Variants in ADGRB3 observed in about 807,000 individuals in gnomAD.
ADGRB3 encodes brain-specific angiogenesis inhibitor 3.
In ADGRB3, 37 loss-of-function variants were observed where a neutral mutation model predicts 193.4. The observed-to-expected ratio is 0.19, with a 90% CI of 0.15 to 0.25. The LOEUF (loss-of-function observed/expected upper bound fraction) is 0.25. Among genes scored for constraint, ADGRB3 ranks in the 10% least tolerant of loss-of-function variants. The pLI, the probability that ADGRB3 is intolerant of heterozygous loss-of-function variation, is 1.00. For synonymous variants in ADGRB3, 690 were observed against 644.2 expected (o/e 1.07, Z -1.08); for missense variants, 1,637 against 1,852.9 (o/e 0.88, Z 2.14).
At chr6:69,008,114 C>A (rs2150282650) in intron 11 of ADGRB3, among the ~76,000 whole-genome samples, 1 of 152,252 alleles carries the variant, frequency 6.6e-6, no homozygotes, top group Middle Eastern at 3.4e-3. Context: ...GGCCCCAACT[C>A]TTAATAACAT....
intron 17 of ADGRB3, among the ~76,000 whole-genome samples, chr6:69,209,762 G>C (rs930572101): frequency 6.6e-6 from 1 of 152,156 alleles, no homozygotes; most frequent in African/African-American, 2.4e-5. Flanking sequence ...CCAGGTACCA[G>C]ATGTTCTTTG....
chr6:69,379,484 A>G (rs1391595052), intron 30 of ADGRB3, among the ~76,000 whole-genome samples: 2 of 152,028 alleles, frequency 1.3e-5, no homozygotes, highest in African/African-American at 4.8e-5. Flanking sequence ...CACACAAGTA[A>G]ATAAATAAGA....
intron 17 of ADGRB3, among the ~76,000 whole-genome samples, chr6:69,102,707 G>A (rs188831862): frequency 5.1e-4 from 78 of 152,296 alleles, no homozygotes; most frequent in African/African-American, 1.8e-3. Flanking sequence ...TGATTTGTTG[G>A]TAGAAAAGAG....
In ADGRB3 at chr6:68,646,454, C is replaced by T. The variant is rs914035024; in HGVS notation, c.757+7022C>T. On this transcript the variant is annotated intron_variant, in intron 3 of 31. Coordinates refer to ENST00000370598, the MANE Select transcript of ADGRB3 (RefSeq NM_001704.3). ...ATCGGGCCACTGCACTCCAGCCTGGCCAACAAGAGCGAAACTCTGTCAAAA... is the reference window on the plus strand; with the variant it reads ...ATCGGGCCACTGCACTCCAGCCTGGTCAACAAGAGCGAAACTCTGTCAAAA... Among the ~76,000 whole-genome samples, 4 of 143,432 alleles carry T rather than the reference C, an allele frequency of 2.8e-5. No individual in the cohort carries two copies. In the South Asian group the frequency reaches 8.8e-4, roughly 32 times the overall value. The allele number at this position is 143,432 out of a possible 152,430, so 94.1% of individuals were successfully genotyped here.
In ADGRB3 at chr6:68,639,077, T is replaced by A. The variant is rs775812711; in HGVS notation, c.402T>A (p.Phe134Leu). The A allele has an allele frequency of 8.1e-6, 13 of 1,614,140 alleles. No homozygotes were observed. Among genetic ancestry groups the A allele is most frequent in the African/African-American group, 1.3e-5 (1 of 75,044 alleles). Residue 134 changes from phenylalanine (F) to leucine (L), a missense_variant, in exon 3 of 32, where the codon TTT becomes TTA. Physicochemically the swap from Phe to Leu is conservative, Grantham distance 22 (BLOSUM62 0). Around this residue, in one of 7 missense-constraint regions of ADGRB3, gnomAD observed 365 missense variants for 409.8 expected, o/e 0.89. Coordinates refer to ENST00000370598, the MANE Select transcript of ADGRB3 (RefSeq NM_001704.3). ...ATTTTATTCAAATACGTCGAGTATT[T>A]CCAACTAATTTCCCAGGATTACAGA... The part of the protein sequence containing the change: ...DKNFIQIRRV[F>L]PTNFPGLQKK...
At chr6:68,812,839 C>CTG (rs1767542679) in intron 3 of ADGRB3, among the ~76,000 whole-genome samples, 1 of 151,614 alleles carries the variant, frequency 6.6e-6, no homozygotes, top group Non-Finnish European at 1.5e-5. Context: ...CCCAACCCCC[C>CTG]ACAGGCCCCA....
intron 13 of ADGRB3, among the ~76,000 whole-genome samples, chr6:69,040,228 G>A (rs1222974205): frequency 1.3e-5 from 2 of 151,694 alleles, no homozygotes; most frequent in Non-Finnish European, 2.9e-5. Context: ...TTCTTATCAG[G>A]CATTTATGCA....
intron 20 of ADGRB3, among the ~76,000 whole-genome samples, chr6:69,314,588 C>T (rs1768272633): frequency 6.6e-6 from 1 of 151,604 alleles, no homozygotes; most frequent in African/African-American, 2.4e-5. Context: ...AGTACTGTAA[C>T]TTGTATTTAA....
intron 17 of ADGRB3, among the ~76,000 whole-genome samples, chr6:69,103,845 T>A (rs1425962895): frequency 6.6e-6 from 1 of 151,490 alleles, no homozygotes; most frequent in East Asian, 1.9e-4. Context: ...GTTTAAAAAT[T>A]ATCAGGCAGT....
chr6:68,822,492 A>C (rs1189001870), intron 3 of ADGRB3, among the ~76,000 whole-genome samples: 1 of 151,928 alleles, frequency 6.6e-6, no homozygotes, highest in East Asian at 1.9e-4. Context: ...ATGCATTGTC[A>C]TAGTAAGAGT....
chr6:69,250,993 C>T (rs1766606172), intron 20 of ADGRB3, among the ~76,000 whole-genome samples: 1 of 152,164 alleles, frequency 6.6e-6, no homozygotes, highest in Admixed American at 6.5e-5. Context: ...ATTCATTACT[C>T]TTTTCTTTCT....
intron 17 of ADGRB3, among the ~76,000 whole-genome samples, chr6:69,167,578 T>C (rs565915816): frequency 6.6e-6 from 1 of 152,236 alleles, no homozygotes; most frequent in African/African-American, 2.4e-5. Flanking sequence ...TTTTCCAGTT[T>C]TGTTTTTGTT....
At chr6:68,796,598 G>T (rs758092537) in intron 3 of ADGRB3, among the ~76,000 whole-genome samples, 1 of 152,138 alleles carries the variant, frequency 6.6e-6, no homozygotes, top group Admixed American at 6.6e-5. Context: ...GCCCATCTTT[G>T]AGGTTCACTG....
In ADGRB3 at chr6:69,048,382, G is replaced by A. The variant is rs746260387; in HGVS notation, c.2257+48G>A. 7.8e-6 allele frequency: 12 copies of A among 1,545,188 alleles called. No individual in the cohort carries two copies. The East Asian group carries it at 2.3e-4, about 29-fold the overall frequency. ...GCTTGAACAAGACATTTTTGATAAGGTCATTTAATTAGAAATTAGGTATAA... is the reference window on the plus strand; with the variant it reads ...GCTTGAACAAGACATTTTTGATAAGATCATTTAATTAGAAATTAGGTATAA... On this transcript the variant is annotated intron_variant, in intron 14 of 31. Coordinates refer to ENST00000370598, the MANE Select transcript of ADGRB3 (RefSeq NM_001704.3).
chr6:69,363,146 G>A (rs1769487937), intron 29 of ADGRB3, among the ~76,000 whole-genome samples: 1 of 151,848 alleles, frequency 6.6e-6, no homozygotes, highest in Non-Finnish European at 1.5e-5. Flanking sequence ...TCTTTCTTCA[G>A]TTTGTAATTT....
At chr6:69,281,734 G>A (rs945333610) in intron 20 of ADGRB3, among the ~76,000 whole-genome samples, 2 of 152,118 alleles carry the variant, frequency 1.3e-5, no homozygotes, top group Non-Finnish European at 2.9e-5. Context: ...ATTCCTTTGG[G>A]GAGAATCCAC....
chr6:69,353,750 G>C (rs1769277449), intron 26 of ADGRB3, among the ~76,000 whole-genome samples: 1 of 152,082 alleles, frequency 6.6e-6, no homozygotes, highest in Non-Finnish European at 1.5e-5. Context: ...AAAAGTCCAG[G>C]TACACCAGCA....
chr6:69,281,884 C>T (rs1767444455), intron 20 of ADGRB3, among the ~76,000 whole-genome samples: 1 of 152,158 alleles, frequency 6.6e-6, no homozygotes. Context: ...AAGTAAATCC[C>T]TGATGTCCAG....
chr6:69,259,405 T>G (rs1440160229), intron 20 of ADGRB3, among the ~76,000 whole-genome samples: 1 of 152,140 alleles, frequency 6.6e-6, no homozygotes, highest in Admixed American at 6.5e-5. Context: ...CCTTAAAACT[T>G]CTAAAATGGG....
Sources: allele counts gnomAD v4.1 joint callset (sites outside exome capture counted in the v4.1 genomes callset), GRCh38; gene constraint gnomAD v4.1.1; regional missense constraint gnomAD v4.1.1; transcripts MANE v1.5; gene names NCBI Gene and HGNC (gene_info 2026-07-23, HGNC 2026-07-21).